Variants in ZNF232 observed in about 807,000 individuals in gnomAD.
ZNF232 encodes the protein zinc finger protein 232.
In ZNF232, 25 loss-of-function variants were observed where a neutral mutation model predicts 25.2. The observed-to-expected ratio is 0.99, with a 90% CI of 0.72 to 1.39. ZNF232 has a LOEUF of 1.39. Ranked by LOEUF, ZNF232 falls within the 40% of genes most tolerant of loss-of-function variation. The pLI is 0.00. For missense variants in ZNF232, 519 were observed against 520.9 expected (o/e 1.00, Z 0.04); for synonymous variants, 193 against 182.9 (o/e 1.06, Z -0.45).
chr17:5,122,317 G>A (rs1209294674), intron 1 of ZNF232, among the ~76,000 whole-genome samples: 1 of 152,152 alleles, frequency 6.6e-6, no homozygotes, highest in African/African-American at 2.4e-5. Context: ...TGGTTCCGAT[G>A]ACTGTGTGAG....
At position 5,106,730 on chromosome 17, in the gene ZNF232, T is replaced by C. The variant is rs527742160; in HGVS notation, c.626-224A>G. Among the ~76,000 whole-genome samples, 526 of 152,342 alleles carry C rather than the reference T, an allele frequency of 3.5e-3. 1 individual carries two copies. The highest frequency in any genetic ancestry group is 0.027 in the Middle Eastern group (8 of 294). On this transcript the variant is annotated intron_variant, in intron 3 of 3. Transcript: ENST00000575898. ...ATTTCTCCCATTTATCTGCTTTTTT[T>C]CCCCTAATTTCTCCATAATGAAACA...
chr17:5,105,923 C>G, exon 4 of ZNF232: 1 of 1,614,210 alleles, frequency 6.2e-7, no homozygotes, highest in Admixed American at 1.7e-5. Flanking sequence ...TAAAAGGTTT[C>G]TCTCCACTGT....
At chr17:5,112,377 A>AAAAAAG (rs2072437597), upstream of ZNF232, 1 of 153,106 alleles carries the variant, frequency 6.5e-6, no homozygotes, top group African/African-American at 2.4e-5. Flanking sequence ...AGGGGAGGAG[A>AAAAAAG]AAAAAGAATT....
At chr17:5,106,374 C>T (rs1269942139) in exon 4 of ZNF232, 1 of 1,614,220 alleles carries the variant, frequency 6.2e-7, no homozygotes, top group Non-Finnish European at 8.5e-7. Flanking sequence ...TTCTAAGGTA[C>T]CCTCAGAGGT....
chr17:5,107,910 T>C (rs968670264), intron 3 of ZNF232, among the ~76,000 whole-genome samples: 3 of 146,920 alleles, frequency 2.0e-5, no homozygotes, highest in African/African-American at 5.2e-5. Context: ...ATATGCTTGC[T>C]ATATATAAAA....
intron 1 of ZNF232, among the ~76,000 whole-genome samples, chr17:5,118,037 C>G (rs2072573225): frequency 1.3e-5 from 2 of 149,694 alleles, no homozygotes; most frequent in Admixed American, 6.7e-5. Context: ...CCACTGCACT[C>G]TAGCCTGGGC....
At chr17:5,112,712 A>G (rs1286723026), upstream of ZNF232, among the ~76,000 whole-genome samples, 2 of 151,618 alleles carry the variant, frequency 1.3e-5, no homozygotes, top group East Asian at 3.9e-4. Context: ...TCGGCCTCCC[A>G]AAGTGCTGGG....
chr17:5,117,600 G>A (rs2072565932), intron 1 of ZNF232, among the ~76,000 whole-genome samples: 1 of 152,082 alleles, frequency 6.6e-6, no homozygotes. Context: ...TCACAATAAG[G>A]ACTTTGGACT....
chr17:5,111,083 G>C (rs1205961303), intron 1 of ZNF232: 3 of 152,228 alleles, frequency 2.0e-5, no homozygotes, highest in African/African-American at 7.2e-5. Context: ...TACAGTAGAG[G>C]AAGAAGTCAA....
chr17:5,118,613 T>G (rs1196041558), intron 1 of ZNF232, among the ~76,000 whole-genome samples: 2 of 152,106 alleles, frequency 1.3e-5, no homozygotes, highest in Admixed American at 1.3e-4. Context: ...AAAGGGTGAG[T>G]GTGACAGCCT....
At chr17:5,108,081 A>T (rs563483089) in intron 3 of ZNF232, among the ~76,000 whole-genome samples, 1 of 152,342 alleles carries the variant, frequency 6.6e-6, no homozygotes, top group South Asian at 2.1e-4. Flanking sequence ...TTTGGGACAG[A>T]GTCTAATTAA....
chr17:5,114,009 A>G (rs2072473631), upstream of ZNF232: 1 of 152,258 alleles, frequency 6.6e-6, no homozygotes, highest in Non-Finnish European at 1.5e-5. Context: ...ATATCTGCAC[A>G]TGACCTGAGA....
At chr17:5,121,621 A>G (rs2072667365) in intron 1 of ZNF232, 1 of 161,930 alleles carries the variant, frequency 6.2e-6, no homozygotes, top group Admixed American at 6.2e-5. Flanking sequence ...AGCATGGAGC[A>G]GCAGCTGTGC....
intron 2 of ZNF232, 29 bp downstream of exon 2, chr17:5,109,365 C>G (rs1351725589): frequency 1.9e-6 from 3 of 1,613,510 alleles, no homozygotes; most frequent in Admixed American, 3.3e-5. Context: ...CAATCTGGCT[C>G]CCATAACAGA....
intron 3 of ZNF232, among the ~76,000 whole-genome samples, chr17:5,107,543 CTT>C (rs563790270): frequency 3.5e-5 from 5 of 143,420 alleles, no homozygotes; most frequent in Admixed American, 6.9e-5. Flanking sequence ...GGTCATTTGA[CTT>C]TTTTTTTTTT....
At chr17:5,109,413 C>T in exon 2 of ZNF232, 1 of 1,614,042 alleles carries the variant, frequency 6.2e-7, no homozygotes, top group East Asian at 2.2e-5. Flanking sequence ...TGGTTCAAGT[C>T]CTTTCTCTAA....
chr17:5,120,244 T>G (rs1295431830), intron 1 of ZNF232, among the ~76,000 whole-genome samples: 2 of 152,016 alleles, frequency 1.3e-5, no homozygotes, highest in Non-Finnish European at 2.9e-5. Context: ...GGTTGCTCTC[T>G]GCATGCCTGT....
exon 2 of ZNF232, chr17:5,109,629 T>C (rs746250803): frequency 1.2e-6 from 2 of 1,614,238 alleles, no homozygotes; most frequent in Non-Finnish European, 1.7e-6. Flanking sequence ...AGGAGTCTCC[T>C]GGTAGCGGAG....
intron 1 of ZNF232, among the ~76,000 whole-genome samples, chr17:5,110,595 A>T (rs991370963): frequency 2.6e-5 from 4 of 152,206 alleles, no homozygotes; most frequent in African/African-American, 7.2e-5. Context: ...AAAATTTCTG[A>T]AGTAGTAGCT....
Sources: gnomAD v4.1 joint callset for allele counts (sites outside exome capture counted in the v4.1 genomes callset) on GRCh38, gnomAD v4.1.1 for gene constraint, MANE v1.5 for transcripts, NCBI Gene and HGNC (gene_info 2026-07-23, HGNC 2026-07-21) for gene names.